DENND5B: variants seen among roughly 807,000 people sequenced by gnomAD.
DENND5B encodes the protein DENN domain-containing protein 5B.
A neutral mutation model predicts 140.6 loss-of-function variants in DENND5B; 34 were observed. The observed-to-expected ratio is 0.24, with a 90% CI of 0.18 to 0.32. The LOEUF (loss-of-function observed/expected upper bound fraction) is 0.32, where lower values mean the gene tolerates loss of function less well. DENND5B is among the 10% of genes least tolerant of loss of function. The pLI is 1.00. For synonymous variants in DENND5B, 551 were observed against 562.1 expected (o/e 0.98, Z 0.28); for missense variants, 1,142 against 1,560.2 (o/e 0.73, Z 4.52).
At chr12:31,501,678 CAGA>C (rs1328092632) in intron 1 of DENND5B, among the ~76,000 whole-genome samples, 2 of 149,906 alleles carry the variant, frequency 1.3e-5, no homozygotes, top group Admixed American at 1.4e-4. Context: ...GAGGCTGAGG[CAGA>C]AGAATTGCCT....
intron 11 of DENND5B, 129 bp from the exon 12 acceptor site, chr12:31,415,577 A>C (rs1942694270): frequency 1.4e-6 from 1 of 694,058 alleles, no homozygotes; most frequent in African/African-American, 1.8e-5. Flanking sequence ...CCAAAATGTC[A>C]AAAAACAAAT....
At chr12:31,446,803 C>T (rs534239704) in intron 6 of DENND5B, among the ~76,000 whole-genome samples, 21 of 150,934 alleles carry the variant, frequency 1.4e-4, no homozygotes, top group Non-Finnish European at 2.5e-4. Context: ...AGGAGAATGG[C>T]GTGAACCCGG....
In DENND5B at chr12:31,430,645, G is replaced by A. The variant is rs1268317692; in HGVS notation, c.2106+2510C>T. 2.6e-5 allele frequency among the ~76,000 whole-genome samples: 4 copies of A among 152,036 alleles called. No individual in the cohort carries two copies. In the East Asian group the frequency reaches 7.7e-4, roughly 29 times the overall value. On this transcript the variant is annotated intron_variant, in intron 8 of 20. Transcript: ENST00000389082. ...CACTGCATTCCAGCCTGGCGACAGA[G>A]GGAGACTCCGTCTCAAAAACAAACA... is the stretch of plus-strand genomic sequence containing the variant.
chr12:31,432,761 G>A (rs1943565727), intron 8 of DENND5B: 2 of 156,144 alleles, frequency 1.3e-5, no homozygotes, highest in Admixed American at 6.5e-5. Flanking sequence ...AAAAACTGGT[G>A]CCAGCAAGCC....
chr12:31,557,948 G>C (rs925954779), intron 1 of DENND5B, among the ~76,000 whole-genome samples: 1 of 152,076 alleles, frequency 6.6e-6, no homozygotes, highest in African/African-American at 2.4e-5. Context: ...AGCTATTTTG[G>C]AGGCTGAGGC....
rs758584264 is a variant in DENND5B at position 31,443,042 on chromosome 12, TA to T, written c.1862-118del. 30 of 829,130 alleles carry T rather than the reference TA, an allele frequency of 3.6e-5. No individual in the cohort carries two copies. The Admixed American group carries it at 4.6e-4, about 13-fold the overall frequency. 51.4% of individuals were successfully genotyped at this position (829,130 alleles called of 1,614,324 possible). On this transcript the variant is annotated intron_variant, in intron 6 of 20. Transcript: ENST00000389082. ...AATCACTCTGACACTCTGAAACAGATATTGTGTGTGTGTGTGTGTGTGCACG... is the reference window on the plus strand; with the variant it reads ...AATCACTCTGACACTCTGAAACAGATTTGTGTGTGTGTGTGTGTGTGCACG...
At chr12:31,535,949 C>T (rs901837278) in intron 1 of DENND5B, among the ~76,000 whole-genome samples, 3 of 149,442 alleles carry the variant, frequency 2.0e-5, no homozygotes, top group Non-Finnish European at 4.4e-5. Flanking sequence ...TGAGGGTGGT[C>T]CTTGACGAAT....
chr12:31,454,162 T>A (rs1165117145), intron 4 of DENND5B, among the ~76,000 whole-genome samples: 4 of 143,156 alleles, frequency 2.8e-5, no homozygotes, highest in East Asian at 2.2e-4. Flanking sequence ...AAAAAAAAAA[T>A]TTCGGTTTCC....
At chr12:31,497,310 C>T (rs960757267) in intron 1 of DENND5B, among the ~76,000 whole-genome samples, 6 of 152,140 alleles carry the variant, frequency 3.9e-5, no homozygotes, top group African/African-American at 1.4e-4. Flanking sequence ...CTTTAGATTC[C>T]TCTGACTTAT....
rs1335100200 is a variant in DENND5B at position 31,392,413 on chromosome 12, G to A, written c.3340-20C>T. The A allele has an allele frequency of 1.6e-5, 26 of 1,609,072 alleles. No individual in the cohort carries two copies. In the Admixed American group the frequency reaches 3.4e-4, roughly 21 times the overall value. ...TCCTCTCTGTGGGGCATAACACACA[G>A]TGCCAAAGAAAAATCTCCTGCATCT... On this transcript the variant is annotated intron_variant, in intron 18 of 20. Coordinates refer to ENST00000389082, the MANE Select transcript of DENND5B (RefSeq NM_144973.4).
intron 1 of DENND5B, among the ~76,000 whole-genome samples, chr12:31,567,961 T>A (rs1031061314): frequency 1.3e-5 from 2 of 152,168 alleles, no homozygotes; most frequent in African/African-American, 4.8e-5. Context: ...CACCTCGGCC[T>A]TCCAAAGTAC....
At chr12:31,488,534 C>A (rs568033588) in intron 2 of DENND5B, among the ~76,000 whole-genome samples, 1 of 152,228 alleles carries the variant, frequency 6.6e-6, no homozygotes, top group East Asian at 1.9e-4. Flanking sequence ...CTACAGACAA[C>A]AGATGTAAGA....
chr12:31,449,338 C>T (rs1944407883), intron 5 of DENND5B, among the ~76,000 whole-genome samples: 1 of 152,082 alleles, frequency 6.6e-6, no homozygotes, highest in Non-Finnish European at 1.5e-5. Context: ...TACATAAATC[C>T]AAATAACCAC....
intron 7 of DENND5B, among the ~76,000 whole-genome samples, chr12:31,434,666 T>C (rs1366213911): frequency 1.3e-5 from 2 of 152,198 alleles, no homozygotes; most frequent in South Asian, 2.1e-4. Context: ...CTTTCTATCA[T>C]CTTCATTCAG....
At chr12:31,513,619 G>C (rs1947508617) in intron 1 of DENND5B, among the ~76,000 whole-genome samples, 2 of 151,996 alleles carry the variant, frequency 1.3e-5, no homozygotes, top group African/African-American at 4.8e-5. Context: ...TGGCTCCTAT[G>C]CCCATTTGAT....
intron 2 of DENND5B, 42 bp from the exon 3 acceptor site, chr12:31,480,297 A>C: frequency 7.0e-7 from 1 of 1,423,660 alleles, no homozygotes; most frequent in South Asian, 1.6e-5. Flanking sequence ...GCAGTACACA[A>C]ATAACTTCAA....
chr12:31,568,423 C>T (rs555110938), intron 1 of DENND5B, among the ~76,000 whole-genome samples: 12 of 152,338 alleles, frequency 7.9e-5, no homozygotes, highest in Admixed American at 7.2e-4. Context: ...CCCTCTTCTA[C>T]TGTGAACTAG....
intron 1 of DENND5B, among the ~76,000 whole-genome samples, chr12:31,558,355 T>C (rs1565694981): frequency 6.6e-6 from 1 of 152,186 alleles, no homozygotes; most frequent in South Asian, 2.1e-4. Context: ...AGTTCTCAGT[T>C]GTTCCATGAA....
intron 8 of DENND5B, among the ~76,000 whole-genome samples, chr12:31,428,116 C>T (rs1340888041): frequency 6.6e-6 from 1 of 151,762 alleles, no homozygotes; most frequent in Admixed American, 6.6e-5. Context: ...TTTCTTTGAC[C>T]CTCTTAAAAA....
Sources: allele counts gnomAD v4.1 joint callset (sites outside exome capture counted in the v4.1 genomes callset), GRCh38; gene constraint gnomAD v4.1.1; transcripts MANE v1.5; gene names NCBI Gene and HGNC (gene_info 2026-07-23, HGNC 2026-07-21).